Variants in SLC2A11 observed in about 807,000 individuals in gnomAD.
SLC2A11 encodes the protein solute carrier family 2, facilitated glucose transporter member 11.
Under a neutral mutation model 52.1 loss-of-function variants are expected in SLC2A11, and 43 were observed. The observed-to-expected ratio is 0.82, with a 90% CI of 0.65 to 1.06. The LOEUF is 1.06. Ranked by LOEUF, SLC2A11 falls within the 50% of genes least tolerant of loss-of-function variation. SLC2A11 has a pLI of 0.00. For missense variants in SLC2A11, 582 were observed against 654.2 expected (o/e 0.89, Z 1.20); for synonymous variants, 261 against 277.6 (o/e 0.94, Z 0.59).
At chr22:23,883,331 C>T (rs551614938) in intron 8 of SLC2A11, 15 of 320,476 alleles carry the variant, frequency 4.7e-5, no homozygotes, top group Non-Finnish European at 8.3e-5. Context: ...ATTAGCCAGG[C>T]GTGGTGGTCT....
chr22:23,877,914 A>G (rs762512051), intron 6 of SLC2A11, 45 bp downstream of exon 6: 1 of 1,574,740 alleles, frequency 6.4e-7, no homozygotes, highest in Non-Finnish European at 8.6e-7. Flanking sequence ...TGACCAAGGG[A>G]TGCATCTCCC....
intron 6 of SLC2A11, among the ~76,000 whole-genome samples, chr22:23,878,130 A>G (rs1463880957): frequency 1.3e-5 from 2 of 152,354 alleles, no homozygotes; most frequent in East Asian, 1.9e-4. Flanking sequence ...ACACACGCGC[A>G]CACACACGGT....
In SLC2A11 at chr22:23,858,265, C is replaced by T. The variant is rs1194232627; in HGVS notation, c.30+236C>T. 1.6e-5 allele frequency: 11 copies of T among 679,688 alleles called. 1 individual carries two copies. Among genetic ancestry groups the T allele is most frequent in the East Asian group, 2.8e-5 (1 of 36,130 alleles). The allele number at this position is 679,688 out of a possible 1,614,324, so 42.1% of individuals were successfully genotyped here. A position where few individuals can be genotyped will look rare whatever the true frequency, so the allele number is the denominator to read the frequency against. The stretch of plus-strand genomic sequence containing the variant: ...GGTTGCTGGACCCTGGCATCCCAGC[C>T]CCCAGAGATGCTAAATCCTCTGCCG... On this transcript the variant is annotated intron_variant, in intron 1 of 11. Transcript: ENST00000316185.
intron 2 of SLC2A11, chr22:23,867,526 T>C: frequency 2.9e-6 from 1 of 342,880 alleles, no homozygotes; most frequent in South Asian, 2.3e-5. Flanking sequence ...TAGGAGCATC[T>C]TTTGTTATTT....
At chr22:23,878,668 G>A (rs957058622) in intron 6 of SLC2A11, among the ~76,000 whole-genome samples, 2 of 152,184 alleles carry the variant, frequency 1.3e-5, no homozygotes, top group African/African-American at 4.8e-5. Flanking sequence ...TGGATTTAAG[G>A]AGGGGTGAAG....
chr22:23,869,487 CAA>C (rs113496535), intron 3 of SLC2A11: 22,507 of 144,620 alleles, frequency 0.16, 1,697 homozygotes, highest in Admixed American at 0.18. Flanking sequence ...GACTCCATCT[CAA>C]AAAAAAAAAA....
At chr22:23,878,558 C>G (rs922738117) in intron 6 of SLC2A11, among the ~76,000 whole-genome samples, 1 of 152,186 alleles carries the variant, frequency 6.6e-6, no homozygotes, top group Admixed American at 6.5e-5. Context: ...TCCCTCGTGC[C>G]ATTAACATTC....
At chr22:23,859,028 A>G (rs988641977) in intron 1 of SLC2A11, among the ~76,000 whole-genome samples, 2 of 152,178 alleles carry the variant, frequency 1.3e-5, no homozygotes, top group African/African-American at 2.4e-5. Context: ...GGTATAGGCA[A>G]TCTCCATGCA....
chr22:23,863,372 T>C (rs1331925928), intron 2 of SLC2A11, among the ~76,000 whole-genome samples: 1 of 152,184 alleles, frequency 6.6e-6, no homozygotes, highest in Non-Finnish European at 1.5e-5. Flanking sequence ...TCTCTGGCCC[T>C]TGATGGTAGC....
intron 2 of SLC2A11, 51 bp from the exon 3 acceptor site, chr22:23,868,430 G>T (rs2032337959): frequency 6.2e-7 from 1 of 1,603,164 alleles, no homozygotes; most frequent in Non-Finnish European, 8.5e-7. Context: ...GTTTCATCTA[G>T]CACCCCCACG....
intron 5 of SLC2A11, chr22:23,877,435 C>T (rs1402926310): frequency 1.3e-6 from 1 of 775,952 alleles, no homozygotes. Context: ...AAGATTTGGG[C>T]TTTCAAAGAC....
At chr22:23,873,776 A>C (rs901913875) in intron 3 of SLC2A11, among the ~76,000 whole-genome samples, 5 of 152,206 alleles carry the variant, frequency 3.3e-5, no homozygotes, top group African/African-American at 1.2e-4. Context: ...AGGAAAATGT[A>C]TATTATTGTA....
intron 6 of SLC2A11, chr22:23,880,709 C>T (rs1007574373): frequency 1.3e-5 from 2 of 152,072 alleles, no homozygotes; most frequent in Admixed American, 6.6e-5. Flanking sequence ...AGGATAGAGG[C>T]GAGAAAACAT....
At chr22:23,880,659 C>T (rs1043201236) in intron 6 of SLC2A11, 2 of 152,186 alleles carry the variant, frequency 1.3e-5, no homozygotes, top group African/African-American at 4.8e-5. Flanking sequence ...TCTTTGCTCA[C>T]AGGCTGTTAC....
intron 8 of SLC2A11, chr22:23,883,413 G>A: frequency 2.9e-6 from 1 of 347,844 alleles, no homozygotes; most frequent in South Asian, 3.7e-5. Context: ...TGAGACTGCA[G>A]TAAACCGAGA....
Position 23,884,480 on chromosome 22 carries a change from A to T in SLC2A11, c.1299+51A>T. On this transcript the variant is annotated intron_variant, in intron 11 of 11. Transcript: ENST00000316185. This position sits in a 1 kb window ranked among gnomAD's most constrained non-coding sequence, Gnocchi z 4.3. ...CCCTGCCTTAGGCTGTGTCCCTGTC[A>T]TCCTGAGAACCCCAGGGGGAGGCTT... The T allele has an allele frequency of 6.3e-7, 1 of 1,589,224 alleles. No individual in the cohort carries two copies. The highest frequency in any genetic ancestry group is 8.6e-7 in the Non-Finnish European group (1 of 1,165,500).
Position 23,884,008 on chromosome 22 carries a change from C to A in SLC2A11, c.1155C>A (p.Ser385Arg). 1 of 1,613,320 alleles carries A rather than the reference C, an allele frequency of 6.2e-7. No individual in the cohort carries two copies. Among genetic ancestry groups the A allele is most frequent in the Non-Finnish European group, 8.5e-7 (1 of 1,179,800 alleles). ...CCTGCATCTTTGCCTTCATCCTCAG[C>A]TTTGGCATTGGCCCTGGTGAGTGGG... ...AMACIFAFILSFGIGPAGVTG... is the reference protein window; with the variant it reads ...AMACIFAFILRFGIGPAGVTG... The change falls in exon 10 of 12, where the codon AGC (serine) becomes AGA (arginine). Residue 385 changes from serine (S) to arginine (R), a missense_variant. Coordinates refer to ENST00000316185, the MANE Select transcript of SLC2A11 (RefSeq NM_001024939.4). The surrounding 1 kb of genome is among the most constrained non-coding windows in gnomAD (Gnocchi z 4.3).
chr22:23,882,570 A>G lies in SLC2A11; in HGVS notation c.806A>G (p.Gln269Arg), dbSNP rs1244442091. 6.2e-7 allele frequency: 1 copy of G among 1,612,920 alleles called. No homozygotes were observed. The highest frequency in any genetic ancestry group is 1.7e-5 in the Admixed American group (1 of 59,968). ...CRARRPWELF[Q>R]HRALRRQVTS... The stretch of plus-strand genomic sequence containing the variant: ...GCCCGGCGCCCATGGGAGCTGTTCC[A>G]GCATCGGGCCCTGAGGAGACAGGTG... The change falls in exon 7 of 12, where the codon CAG becomes CGG. Residue 269 changes from glutamine (Q) to arginine (R), a missense_variant. Coordinates refer to ENST00000316185, the MANE Select transcript of SLC2A11 (RefSeq NM_001024939.4).
At chr22:23,882,287 G>A (rs2032839359) in intron 6 of SLC2A11, 172 bp from the exon 7 acceptor site, 1 of 621,962 alleles carries the variant, frequency 1.6e-6, no homozygotes. Flanking sequence ...CAGAGACAGA[G>A]AGATTGAGAG....
Sources: gnomAD v4.1 joint callset for allele counts (sites outside exome capture counted in the v4.1 genomes callset) on GRCh38, gnomAD v4.1.1 for gene constraint, Gnocchi (gnomAD v3.1) non-coding constraint, MANE v1.5 for transcripts, NCBI Gene and HGNC (gene_info 2026-07-23, HGNC 2026-07-21) for gene names.